Variants in KCNJ16 observed in about 807,000 individuals in gnomAD.
KCNJ16 encodes potassium inwardly rectifying channel subfamily J member 16, also known as inward rectifier potassium channel 16.
Under a neutral mutation model 18.5 loss-of-function variants are expected in KCNJ16, and 15 were observed. The ratio of observed to expected loss-of-function variants is 0.81; its 90% CI spans 0.54 to 1.25. KCNJ16 has a LOEUF of 1.25. Among genes scored for constraint, KCNJ16 ranks in the 50% most tolerant of loss-of-function variants. KCNJ16 has a pLI of 0.00. For synonymous variants in KCNJ16, 174 were observed against 186.5 expected (o/e 0.93, Z 0.55); for missense variants, 523 against 525.7 (o/e 0.99, Z 0.05).
chr17:70,116,682 CA>C (rs1199169792), intron 2 of KCNJ16, among the ~76,000 whole-genome samples: 1 of 152,044 alleles, frequency 6.6e-6, no homozygotes, highest in Non-Finnish European at 1.5e-5. Context: ...GACATACAAG[CA>C]GTCAACAAAC....
intron 1 of KCNJ16, among the ~76,000 whole-genome samples, chr17:70,086,701 A>G (rs2024053): frequency 0.85 from 129,978 of 152,144 alleles, 55,625 homozygotes; most frequent in East Asian, 0.99. Flanking sequence ...TATAAACTTC[A>G]TTTTAGTGTT....
At chr17:70,113,729 A>G (rs1057448544) in intron 2 of KCNJ16, among the ~76,000 whole-genome samples, 8 of 152,164 alleles carry the variant, frequency 5.3e-5, no homozygotes, top group African/African-American at 1.7e-4. Context: ...GTGTGTGTAG[A>G]CATTCATAGA....
chr17:70,088,534 C>A (rs2071942367), intron 1 of KCNJ16, among the ~76,000 whole-genome samples: 1 of 152,154 alleles, frequency 6.6e-6, no homozygotes, highest in African/African-American at 2.4e-5. Context: ...ATTGAAACAA[C>A]CAACTCATAA....
intron 2 of KCNJ16, among the ~76,000 whole-genome samples, chr17:70,130,541 G>A (rs1198035662): frequency 3.3e-5 from 5 of 152,138 alleles, no homozygotes; most frequent in African/African-American, 1.2e-4. Flanking sequence ...TAAACAAAGA[G>A]TTTATTGTAA....
intron 1 of KCNJ16, among the ~76,000 whole-genome samples, chr17:70,087,698 C>T (rs1222890226): frequency 6.6e-6 from 1 of 151,964 alleles, no homozygotes; most frequent in Non-Finnish European, 1.5e-5. Context: ...CAGACTGAGA[C>T]TCTGTCTCAA....
chr17:70,101,178 C>T (rs2072602220), intron 2 of KCNJ16: 1 of 152,094 alleles, frequency 6.6e-6, no homozygotes. Context: ...TTGGATGTCT[C>T]TACTGGGGTT....
At chr17:70,108,609 T>G (rs973623666) in intron 2 of KCNJ16, among the ~76,000 whole-genome samples, 3 of 152,148 alleles carry the variant, frequency 2.0e-5, no homozygotes, top group Non-Finnish European at 4.4e-5. Context: ...TTCATCACTA[T>G]AGTGACCTCT....
chr17:70,127,958 G>A (rs1443153454), intron 2 of KCNJ16: 1 of 152,144 alleles, frequency 6.6e-6, no homozygotes, highest in African/African-American at 2.4e-5. Context: ...AACATATCAT[G>A]TTAAGTAGAT....
intron 2 of KCNJ16, among the ~76,000 whole-genome samples, chr17:70,111,800 C>T (rs1359670813): frequency 1.3e-5 from 2 of 152,204 alleles, no homozygotes; most frequent in East Asian, 1.9e-4. Flanking sequence ...TTGCTTGGCT[C>T]TCATTCTCTC....
At chr17:70,108,513 A>G (rs2073035721) in intron 2 of KCNJ16, 1 of 152,182 alleles carries the variant, frequency 6.6e-6, no homozygotes, top group African/African-American at 2.4e-5. Context: ...ATAAATGACC[A>G]CATCAACATA....
chr17:70,082,567 A>C (rs1038894375), intron 1 of KCNJ16, among the ~76,000 whole-genome samples: 1 of 152,238 alleles, frequency 6.6e-6, no homozygotes, highest in Non-Finnish European at 1.5e-5. Flanking sequence ...CTTGGTTCAG[A>C]GGTAAGGTAG....
chr17:70,132,913 T>C lies in KCNJ16; in HGVS notation c.826T>C (p.Phe276Leu). ...CCGCAAAGCAGTAGCCAAAGATAAC[T>C]TTGAGATTTTGGTGACATTTATCTA... ...LDRKAVAKDN[F>L]EILVTFIYTG... is the part of the protein sequence containing the mutation. The change falls in exon 4 of 4, where the codon TTT (phenylalanine) becomes CTT (leucine). Residue 276 changes from phenylalanine to leucine, a missense_variant. By Grantham distance (22) the Phe-to-Leu change is conservative (BLOSUM62 0). Coordinates refer to ENST00000392671, the MANE Select transcript of KCNJ16 (RefSeq NM_170741.4). 1 of 1,614,162 alleles carries C rather than the reference T, an allele frequency of 6.2e-7. No individual in the cohort carries two copies. The highest frequency in any genetic ancestry group is 1.1e-5 in the South Asian group (1 of 91,080).
chr17:70,099,365 C>T (rs757236111), intron 1 of KCNJ16, among the ~76,000 whole-genome samples: 2 of 152,108 alleles, frequency 1.3e-5, no homozygotes, highest in South Asian at 2.1e-4. Flanking sequence ...GGAAGTAGTA[C>T]GAGACTTGTT....
chr17:70,082,839 T>A (rs2071614374), intron 1 of KCNJ16, among the ~76,000 whole-genome samples: 1 of 152,174 alleles, frequency 6.6e-6, no homozygotes, highest in African/African-American at 2.4e-5. Flanking sequence ...AAGGCATTTG[T>A]GGATCAGCAG....
At chr17:70,115,653 AT>A (rs1167900618) in intron 2 of KCNJ16, among the ~76,000 whole-genome samples, 2 of 152,234 alleles carry the variant, frequency 1.3e-5, no homozygotes, top group East Asian at 3.9e-4. Context: ...GGGGAAATGC[AT>A]TTGGTGCCCA....
At chr17:70,084,824 C>T (rs2071721421) in intron 1 of KCNJ16, among the ~76,000 whole-genome samples, 1 of 152,082 alleles carries the variant, frequency 6.6e-6, no homozygotes, top group Non-Finnish European at 1.5e-5. Flanking sequence ...ATTCCTTGAT[C>T]ACTAATAATA....
chr17:70,078,397 A>G (rs888638412), intron 1 of KCNJ16, among the ~76,000 whole-genome samples: 2 of 152,120 alleles, frequency 1.3e-5, no homozygotes, highest in Admixed American at 6.6e-5. Context: ...CAAAAAGATC[A>G]CCTCCATTCC....
At chr17:70,127,327 A>G (rs1270388765) in intron 2 of KCNJ16, among the ~76,000 whole-genome samples, 1 of 152,078 alleles carries the variant, frequency 6.6e-6, no homozygotes, top group Non-Finnish European at 1.5e-5. Context: ...ACAGTTATCT[A>G]GTAGGTTCTG....
At chr17:70,109,486 G>C (rs8077739) in intron 2 of KCNJ16, among the ~76,000 whole-genome samples, 13,830 of 152,036 alleles carry the variant, frequency 0.091, 726 homozygotes, top group African/African-American at 0.14. Flanking sequence ...AGACTTCTTA[G>C]CTACATAAAT....
Sources: allele counts gnomAD v4.1 joint callset (sites outside exome capture counted in the v4.1 genomes callset), GRCh38; gene constraint gnomAD v4.1.1; transcripts MANE v1.5; gene names NCBI Gene and HGNC (gene_info 2026-07-23, HGNC 2026-07-21).